CPNE8: variants seen among roughly 807,000 people sequenced by gnomAD.
The protein encoded by CPNE8 is copine 8.
In CPNE8, 45 loss-of-function variants were observed where a neutral mutation model predicts 81.5. The ratio of observed to expected loss-of-function variants is 0.55; its 90% CI spans 0.44 to 0.71. The LOEUF is 0.71. Among genes scored for constraint, CPNE8 ranks in the 30% least tolerant of loss-of-function variants. The pLI is 0.00. For synonymous variants in CPNE8, 252 were observed against 226.3 expected, an observed-to-expected ratio of 1.11 and a Z score of -1.02; for missense variants, 594 against 672.1, an observed-to-expected ratio of 0.88 and a Z score of 1.28.
chr12:38,807,950 A>ACAG (rs1346055084), intron 6 of CPNE8, among the ~76,000 whole-genome samples: 1 of 152,040 alleles, frequency 6.6e-6, no homozygotes, highest in Non-Finnish European at 1.5e-5. Context: ...AAGGATATGA[A>ACAG]CAGACACTTC....
At chr12:38,665,107 T>G (rs1939036444) in intron 19 of CPNE8, among the ~76,000 whole-genome samples, 2 of 152,186 alleles carry the variant, frequency 1.3e-5, no homozygotes, top group African/African-American at 4.8e-5. Flanking sequence ...AAAATTTTCA[T>G]GACAAAATTG....
upstream of CPNE8, chr12:38,905,914 C>A (rs775706033): frequency 3.6e-5 from 35 of 985,236 alleles, no homozygotes; most frequent in Non-Finnish European, 4.0e-5. Flanking sequence ...AGACCCCTAC[C>A]GTCCAGGACC....
chr12:38,671,356 C>G (rs1169709728), intron 18 of CPNE8, among the ~76,000 whole-genome samples: 1 of 151,994 alleles, frequency 6.6e-6, no homozygotes, highest in Non-Finnish European at 1.5e-5. Flanking sequence ...ATTTTCTCTG[C>G]TCTTATACTG....
At chr12:38,760,042 C>T (rs1433234509) in intron 10 of CPNE8, among the ~76,000 whole-genome samples, 1 of 152,180 alleles carries the variant, frequency 6.6e-6, no homozygotes, top group Non-Finnish European at 1.5e-5. Flanking sequence ...CATGTTTCAG[C>T]TCCATTTATC....
At chr12:38,727,176 T>C (rs1940721695) in intron 11 of CPNE8, among the ~76,000 whole-genome samples, 1 of 152,158 alleles carries the variant, frequency 6.6e-6, no homozygotes, top group Non-Finnish European at 1.5e-5. Flanking sequence ...CAAAAATCAG[T>C]GATCACTCAT....
chr12:38,831,561 C>T (rs918112942), intron 5 of CPNE8, among the ~76,000 whole-genome samples: 3 of 152,144 alleles, frequency 2.0e-5, no homozygotes, highest in Admixed American at 6.5e-5. Flanking sequence ...TGGATACTGC[C>T]GGCATGGCCA....
intron 6 of CPNE8, among the ~76,000 whole-genome samples, chr12:38,788,775 A>G (rs1942258518): frequency 6.6e-6 from 1 of 151,840 alleles, no homozygotes; most frequent in Non-Finnish European, 1.5e-5. Flanking sequence ...AAGGATATAA[A>G]ATCAACGTAA....
intron 13 of CPNE8, among the ~76,000 whole-genome samples, chr12:38,713,982 C>G (rs186718359): frequency 2.6e-5 from 4 of 152,216 alleles, no homozygotes; most frequent in South Asian, 4.1e-4. Flanking sequence ...TGTTTTCCCC[C>G]TTCATCTGCC....
chr12:38,898,329 G>A (rs561748776), intron 1 of CPNE8, among the ~76,000 whole-genome samples: 1 of 152,110 alleles, frequency 6.6e-6, no homozygotes, highest in South Asian at 2.1e-4. Flanking sequence ...ATATACCAGG[G>A]CAACTCTCAC....
chr12:38,810,678 T>C (rs1405170959), intron 6 of CPNE8, among the ~76,000 whole-genome samples: 3 of 152,174 alleles, frequency 2.0e-5, no homozygotes, highest in African/African-American at 4.8e-5. Flanking sequence ...CCATTCATCA[T>C]TGGTCAGTTC....
At chr12:38,794,650 TA>T (rs61223251) in intron 6 of CPNE8, among the ~76,000 whole-genome samples, 8,002 of 139,200 alleles carry the variant, frequency 0.057, 491 homozygotes, top group African/African-American at 0.16. Context: ...AAAACTACTA[TA>T]AAAAAAAAAA....
chr12:38,701,535 C>T (rs887099091), intron 14 of CPNE8, among the ~76,000 whole-genome samples: 1 of 151,856 alleles, frequency 6.6e-6, no homozygotes, highest in Non-Finnish European at 1.5e-5. Context: ...TCACTGTCAC[C>T]CAGTTTGGAG....
chr12:38,868,084 C>T (rs1303408560), intron 3 of CPNE8, among the ~76,000 whole-genome samples: 1 of 151,992 alleles, frequency 6.6e-6, no homozygotes, highest in Non-Finnish European at 1.5e-5. Context: ...ATTCATATGG[C>T]TTGTTATATA....
At chr12:38,882,509 A>G (rs1366264321) in intron 1 of CPNE8, among the ~76,000 whole-genome samples, 1 of 152,182 alleles carries the variant, frequency 6.6e-6, no homozygotes, top group East Asian at 1.9e-4. Context: ...GGTTGTGGCA[A>G]TTTATTATAA....
chr12:38,889,661 C>T (rs1565664361), intron 1 of CPNE8, among the ~76,000 whole-genome samples: 1 of 152,140 alleles, frequency 6.6e-6, no homozygotes, highest in Non-Finnish European at 1.5e-5. Context: ...TCTACCAGCT[C>T]AAAGTACAGG....
chr12:38,709,988 TAA>T (rs1247927881), intron 13 of CPNE8, among the ~76,000 whole-genome samples: 1 of 152,026 alleles, frequency 6.6e-6, no homozygotes, highest in Non-Finnish European at 1.5e-5. Context: ...ATAAAAAAAA[TAA>T]CTGGAGACAA....
chr12:38,806,956 AACAG>A (rs1942822846), intron 6 of CPNE8, among the ~76,000 whole-genome samples: 1 of 150,246 alleles, frequency 6.7e-6, no homozygotes, highest in African/African-American at 2.4e-5. Context: ...ACACACCAAC[AACAG>A]ACAAACAGAG....
At chr12:38,663,087 G>C (rs1271552600) in intron 19 of CPNE8, among the ~76,000 whole-genome samples, 1 of 151,960 alleles carries the variant, frequency 6.6e-6, no homozygotes, top group Non-Finnish European at 1.5e-5. Context: ...GGCAAAAATT[G>C]TATGAATAAG....
chr12:38,855,301 G>A (rs1320381277), intron 3 of CPNE8, among the ~76,000 whole-genome samples: 1 of 151,846 alleles, frequency 6.6e-6, no homozygotes, highest in Non-Finnish European at 1.5e-5. Context: ...TAGCTAAAAT[G>A]GCCATATTAC....
Sources: allele counts gnomAD v4.1 joint callset (sites outside exome capture counted in the v4.1 genomes callset), GRCh38; gene constraint gnomAD v4.1.1; transcripts MANE v1.5; gene names NCBI Gene and HGNC (gene_info 2026-07-23, HGNC 2026-07-21).